The following RSU1 variants were observed in gnomAD, a reference collection of about 807,000 sequenced individuals.
The protein encoded by RSU1 is rsu-1.
Under a neutral mutation model 31.1 loss-of-function variants are expected in RSU1, and 26 were observed. The ratio of observed to expected loss-of-function variants is 0.84; its 90% CI spans 0.61 to 1.16. The LOEUF is 1.16. Ranked by LOEUF, RSU1 falls within the 50% of genes most tolerant of loss-of-function variation. RSU1 has a pLI of 0.00. For missense variants in RSU1, 320 were observed against 339.1 expected, an observed-to-expected ratio of 0.94 and a Z score of 0.44; for synonymous variants, 164 against 136.3, an observed-to-expected ratio of 1.20 and a Z score of -1.41.
intron 8 of RSU1, among the ~76,000 whole-genome samples, chr10:16,692,727 GTAT>G (rs1463478547): frequency 6.6e-6 from 1 of 151,826 alleles, no homozygotes; most frequent in African/African-American, 2.4e-5. Flanking sequence ...AGCTACATTC[GTAT>G]TTTTTTAAAA....
intron 8 of RSU1, among the ~76,000 whole-genome samples, chr10:16,689,336 T>C (rs920851751): frequency 7.2e-5 from 11 of 152,252 alleles, no homozygotes; most frequent in Non-Finnish European, 1.2e-4. Context: ...TTAAAATGAA[T>C]GGGCTCACCT....
intron 8 of RSU1, among the ~76,000 whole-genome samples, chr10:16,630,390 T>C (rs931399942): frequency 2.0e-5 from 3 of 152,240 alleles, no homozygotes; most frequent in African/African-American, 7.2e-5. Context: ...CTTCCTCCTC[T>C]TTTGACAAAC....
chr10:16,626,728 G>C (rs1191034081), intron 8 of RSU1, among the ~76,000 whole-genome samples: 1 of 152,182 alleles, frequency 6.6e-6, no homozygotes, highest in African/African-American at 2.4e-5. Flanking sequence ...TGGTCTCATG[G>C]GGTGGCAACG....
intron 8 of RSU1, among the ~76,000 whole-genome samples, chr10:16,620,067 C>T (rs1834042521): frequency 6.6e-6 from 1 of 152,118 alleles, no homozygotes; most frequent in Non-Finnish European, 1.5e-5. Flanking sequence ...TTAACGTGAA[C>T]ATTGCTCTGT....
At chr10:16,739,277 G>A (rs537437817) in intron 7 of RSU1, among the ~76,000 whole-genome samples, 6 of 152,032 alleles carry the variant, frequency 3.9e-5, no homozygotes, top group Admixed American at 2.6e-4. Flanking sequence ...GATCCTTGAG[G>A]AATTGCCACA....
intron 2 of RSU1, among the ~76,000 whole-genome samples, chr10:16,783,224 C>A (rs1837694716): frequency 2.6e-5 from 4 of 151,580 alleles, no homozygotes; most frequent in Non-Finnish European, 5.9e-5. Context: ...AATATTATTT[C>A]TTTAAGAACA....
At chr10:16,709,593 C>A (rs1356363900) in intron 7 of RSU1, among the ~76,000 whole-genome samples, 1 of 152,196 alleles carries the variant, frequency 6.6e-6, no homozygotes, top group Admixed American at 6.5e-5. Context: ...AATAGTTGAA[C>A]TAGTTTACAG....
At chr10:16,690,260 T>C (rs936178869) in intron 8 of RSU1, among the ~76,000 whole-genome samples, 2 of 152,180 alleles carry the variant, frequency 1.3e-5, no homozygotes, top group Non-Finnish European at 2.9e-5. Context: ...TAACAGGTAA[T>C]TGTATAACTC....
intron 8 of RSU1, among the ~76,000 whole-genome samples, chr10:16,646,235 G>A (rs925291698): frequency 2.0e-5 from 3 of 151,738 alleles, no homozygotes; most frequent in African/African-American, 4.8e-5. Flanking sequence ...GAGAAAGCCC[G>A]TTCCCCATTT....
chr10:16,713,114 G>T (rs1232894957), intron 7 of RSU1, among the ~76,000 whole-genome samples: 1 of 152,106 alleles, frequency 6.6e-6, no homozygotes, highest in East Asian at 1.9e-4. Context: ...TGTGTGATGT[G>T]ACACTGTTTT....
intron 7 of RSU1, among the ~76,000 whole-genome samples, chr10:16,707,143 A>G (rs951176682): frequency 1.3e-5 from 2 of 152,204 alleles, no homozygotes; most frequent in African/African-American, 4.8e-5. Flanking sequence ...TCATTCTTGC[A>G]TTAATGGGCA....
In RSU1 at chr10:16,677,549, G is replaced by A. The variant is rs115046323; in HGVS notation, c.731+17474C>T. On this transcript the variant is annotated intron_variant, in intron 8 of 8. Transcript: ENST00000345264. Reference sequence around the variant, plus strand: ...ACTGAAACCAGAGTAAACCCAAGTCGTCTTGTATCATGCATGTGTACAGTG... The same window carrying A: ...ACTGAAACCAGAGTAAACCCAAGTCATCTTGTATCATGCATGTGTACAGTG... 7.9e-3 allele frequency among the ~76,000 whole-genome samples: 1,196 copies of A among 152,214 alleles called. 11 individuals carry two copies. The highest frequency in any genetic ancestry group is 0.027 in the African/African-American group (1,127 of 41,516).
chr10:16,809,891 C>T (rs953175838), intron 2 of RSU1, among the ~76,000 whole-genome samples: 1 of 149,340 alleles, frequency 6.7e-6, no homozygotes, highest in Non-Finnish European at 1.5e-5. Flanking sequence ...GTCATCTTAA[C>T]ATAACAAACA....
intron 3 of RSU1, among the ~76,000 whole-genome samples, chr10:16,777,310 C>T (rs921912644): frequency 6.6e-6 from 1 of 150,704 alleles, no homozygotes; most frequent in Admixed American, 6.6e-5. Flanking sequence ...CTATGGAAAG[C>T]AGTATAATTC....
chr10:16,600,571 G>C (rs1387931611), intron 8 of RSU1, among the ~76,000 whole-genome samples: 1 of 150,494 alleles, frequency 6.6e-6, no homozygotes, highest in South Asian at 2.1e-4. Flanking sequence ...TTTTTTTAGG[G>C]GGGGGTGGTT....
At chr10:16,737,030 G>A (rs1836641584) in intron 7 of RSU1, among the ~76,000 whole-genome samples, 2 of 151,078 alleles carry the variant, frequency 1.3e-5, no homozygotes, top group African/African-American at 4.9e-5. Flanking sequence ...GGTGGGGGAG[G>A]GGAGGGGGGA....
At chr10:16,797,255 AG>A (rs1235819411) in intron 2 of RSU1, among the ~76,000 whole-genome samples, 2 of 152,208 alleles carry the variant, frequency 1.3e-5, no homozygotes, top group Non-Finnish European at 2.9e-5. Context: ...CACAAGGAGC[AG>A]TAAGTAAAAA....
At position 16,627,680 on chromosome 10, in the gene RSU1, CTG is replaced by C. The variant is rs1834181073; in HGVS notation, c.732-34186_732-34185del. On this transcript the variant is annotated intron_variant, in intron 8 of 8. Transcript: ENST00000345264. ...GCTGAGGCAGGAGAATCGCTTGAAT[CTG>C]AGAGGCAGAGATTGCAGTGAGCCAA... is the stretch of plus-strand genomic sequence containing the variant. Among the ~76,000 whole-genome samples the C allele has an allele frequency of 4.7e-5, 7 of 149,390 alleles. No individual in the cohort carries two copies. The South Asian group carries it at 1.5e-3, about 31-fold the overall frequency.
chr10:16,595,382 G>C (rs563777593), intron 8 of RSU1, among the ~76,000 whole-genome samples: 1 of 152,318 alleles, frequency 6.6e-6, no homozygotes, highest in South Asian at 2.1e-4. Context: ...TGTTGCCTTG[G>C]AGGCGGTACA....
Sources: gnomAD v4.1 joint callset for allele counts (sites outside exome capture counted in the v4.1 genomes callset) on GRCh38, gnomAD v4.1.1 for gene constraint, MANE v1.5 for transcripts, NCBI Gene and HGNC (gene_info 2026-07-23, HGNC 2026-07-21) for gene names.